The following PKIA variants were observed in gnomAD, a reference collection of about 807,000 sequenced individuals.
PKIA encodes the protein cAMP-dependent protein kinase inhibitor alpha, also known as PKI-alpha.
Under a neutral mutation model 7.6 loss-of-function variants are expected in PKIA, and 4 were observed. The observed-to-expected ratio is 0.52, with a 90% CI of 0.26 to 1.20. The LOEUF (loss-of-function observed/expected upper bound fraction) is 1.20, where lower values mean the gene tolerates loss of function less well. Ranked by LOEUF, PKIA falls within the 50% of genes most tolerant of loss-of-function variation. The probability of loss-of-function intolerance (pLI) is 0.13; values close to 1 mark genes in which losing one functional copy is unlikely to be tolerated. For synonymous variants in PKIA, 21 were observed against 30.7 expected, an observed-to-expected ratio of 0.68 and a Z score of 1.04; for missense variants, 73 against 86.2, an observed-to-expected ratio of 0.85 and a Z score of 0.61.
chr8:78,526,416 A>C (rs1333673532), intron 1 of PKIA, among the ~76,000 whole-genome samples: 2 of 152,032 alleles, frequency 1.3e-5, no homozygotes, highest in Non-Finnish European at 2.9e-5. Flanking sequence ...CACTCGTTTC[A>C]CTGGCTCATT....
intron 1 of PKIA, among the ~76,000 whole-genome samples, chr8:78,555,746 T>A (rs1473843542): frequency 1.3e-5 from 2 of 151,938 alleles, no homozygotes; most frequent in Non-Finnish European, 2.9e-5. Context: ...TGTGTGTGTG[T>A]GAGAGAGTGT....
intron 1 of PKIA, among the ~76,000 whole-genome samples, chr8:78,567,534 G>C (rs1480844840): frequency 1.3e-5 from 2 of 152,028 alleles, no homozygotes; most frequent in Admixed American, 1.3e-4. Context: ...ATTTTGTCAA[G>C]ATGACTTATC....
intron 1 of PKIA, among the ~76,000 whole-genome samples, chr8:78,543,729 T>C (rs1210260399): frequency 2.0e-5 from 3 of 152,184 alleles, no homozygotes; most frequent in African/African-American, 4.8e-5. Context: ...TGTTTTCCAA[T>C]GCTAAAATCA....
chr8:78,570,539 C>A (rs1419708169), intron 1 of PKIA, among the ~76,000 whole-genome samples: 1 of 152,148 alleles, frequency 6.6e-6, no homozygotes, highest in Non-Finnish European at 1.5e-5. Flanking sequence ...TCCAAAGTGA[C>A]CTTTCTAAAA....
chr8:78,588,555 G>A (rs1026761528), intron 2 of PKIA, among the ~76,000 whole-genome samples: 6 of 152,256 alleles, frequency 3.9e-5, no homozygotes, highest in Middle Eastern at 3.4e-3. Flanking sequence ...GATGACTATT[G>A]TGAAAAGACT....
intron 1 of PKIA, among the ~76,000 whole-genome samples, chr8:78,530,338 C>G (rs984022996): frequency 8.6e-5 from 13 of 152,046 alleles, no homozygotes; most frequent in African/African-American, 3.1e-4. Flanking sequence ...GTGCTGCCCT[C>G]TATCCTATAG....
At chr8:78,554,035 T>C (rs192167439) in intron 1 of PKIA, among the ~76,000 whole-genome samples, 390 of 152,006 alleles carry the variant, frequency 2.6e-3, no homozygotes, top group African/African-American at 9.0e-3. Flanking sequence ...TGGGAACCAA[T>C]ATCAACAAAC....
intron 1 of PKIA, among the ~76,000 whole-genome samples, chr8:78,562,500 C>G (rs1292448876): frequency 6.6e-6 from 1 of 152,120 alleles, no homozygotes; most frequent in Non-Finnish European, 1.5e-5. Flanking sequence ...AGTGCTCTGG[C>G]CCCCTTCAGT....
At chr8:78,597,370 T>C (rs868629632) in intron 2 of PKIA, among the ~76,000 whole-genome samples, 1 of 152,178 alleles carries the variant, frequency 6.6e-6, no homozygotes, top group Non-Finnish European at 1.5e-5. Flanking sequence ...TGTTTGTTAC[T>C]CCTCTCAAGT....
chr8:78,594,506 T>C (rs1360719259), intron 2 of PKIA, among the ~76,000 whole-genome samples: 1 of 152,138 alleles, frequency 6.6e-6, no homozygotes, highest in Non-Finnish European at 1.5e-5. Flanking sequence ...TACTGCAGCA[T>C]TTTGGATAGG....
At chr8:78,545,012 T>C (rs929865791) in intron 1 of PKIA, among the ~76,000 whole-genome samples, 4 of 152,114 alleles carry the variant, frequency 2.6e-5, no homozygotes, top group Admixed American at 6.6e-5. Flanking sequence ...AACGGTAATA[T>C]ATGGAAAATG....
intron 2 of PKIA, among the ~76,000 whole-genome samples, chr8:78,595,291 G>T (rs1218740547): frequency 1.3e-5 from 2 of 152,212 alleles, no homozygotes; most frequent in Non-Finnish European, 2.9e-5. Context: ...GTGATTCAAG[G>T]AATTAAAGAC....
rs748685799 is a variant in PKIA at position 78,598,420 on chromosome 8, T to C, written c.36T>C (p.Ile12=). ...TGGAAACTACATATGCAGATTTTATTGCTTCAGGAAGAACAGGTAGAAGAA... is the reference window on the plus strand; with the variant it reads ...TGGAAACTACATATGCAGATTTTATCGCTTCAGGAAGAACAGGTAGAAGAA... The part of the protein sequence containing the change: ...TDVETTYADF[I]ASGRTGRRNA... Residue 12 remains isoleucine (I), a synonymous_variant, in exon 3 of 4, where the codon ATT becomes ATC. Coordinates refer to ENST00000396418, the MANE Select transcript of PKIA (RefSeq NM_006823.4). The C allele has an allele frequency of 6.2e-7, 1 of 1,612,062 alleles. No homozygotes were observed. Among genetic ancestry groups the C allele is most frequent in the Non-Finnish European group, 8.5e-7 (1 of 1,178,554 alleles).
chr8:78,524,656 AT>A (rs1481941428), intron 1 of PKIA, among the ~76,000 whole-genome samples: 1 of 151,852 alleles, frequency 6.6e-6, no homozygotes, highest in Non-Finnish European at 1.5e-5. Flanking sequence ...TCTAAATTAC[AT>A]TTTTTTCATC....
chr8:78,552,022 A>G (rs1390974734), intron 1 of PKIA, among the ~76,000 whole-genome samples: 1 of 151,902 alleles, frequency 6.6e-6, no homozygotes, highest in African/African-American at 2.4e-5. Context: ...TGCCATTCCT[A>G]TCTGGTTAAA....
chr8:78,591,502 G>C (rs1408553418), intron 2 of PKIA, among the ~76,000 whole-genome samples: 1 of 152,160 alleles, frequency 6.6e-6, no homozygotes, highest in Non-Finnish European at 1.5e-5. Flanking sequence ...TTGCTAAAGA[G>C]TAAGAGAGTG....
At chr8:78,553,737 AT>A (rs10706008) in intron 1 of PKIA, among the ~76,000 whole-genome samples, 115,031 of 140,986 alleles carry the variant, frequency 0.82, 46,805 homozygotes, top group East Asian at 0.97. Flanking sequence ...AAACAACTGG[AT>A]TTTTTTTTTT....
rs1170669882 is a variant in PKIA at position 78,602,770 on chromosome 8, A to C, written c.*949A>C. The C allele has an allele frequency of 6.6e-6, 1 of 151,056 alleles. No homozygotes were observed. The highest frequency in any genetic ancestry group is 2.4e-5 in the African/African-American group (1 of 41,066). The allele number at this position is 151,056 out of a possible 1,614,324, so 9.4% of individuals were successfully genotyped here. A position where few individuals can be genotyped will look rare whatever the true frequency, so the allele number is the denominator to read the frequency against. ...AAGGTAGAAAAGAAAAGCCAAGATC[A>C]TACTAAGGACTGGAAATATTTTGTT... On this transcript the variant is annotated 3_prime_UTR_variant, in exon 4 of 4. Transcript: ENST00000396418.
chr8:78,593,954 G>A (rs1808166484), intron 2 of PKIA, among the ~76,000 whole-genome samples: 2 of 152,166 alleles, frequency 1.3e-5, no homozygotes, highest in Admixed American at 6.5e-5. Flanking sequence ...GATAAAAGGT[G>A]ATTAATATAT....
Sources: allele counts gnomAD v4.1 joint callset (sites outside exome capture counted in the v4.1 genomes callset), GRCh38; gene constraint gnomAD v4.1.1; transcripts MANE v1.5; gene names NCBI Gene and HGNC (gene_info 2026-07-23, HGNC 2026-07-21).